Variants in HPSE2 observed in about 807,000 individuals in gnomAD.
HPSE2 encodes the protein heparanase 2 (inactive).
In HPSE2, 38 loss-of-function variants were observed where a neutral mutation model predicts 60.5. The ratio of observed to expected loss-of-function variants is 0.63; its 90% CI spans 0.48 to 0.82. The LOEUF is 0.82. Ranked by LOEUF, HPSE2 falls within the 40% of genes least tolerant of loss-of-function variation. HPSE2 has a pLI of 0.00. For missense variants in HPSE2, 713 were observed against 740.4 expected (o/e 0.96, Z 0.43); for synonymous variants, 295 against 293.2 (o/e 1.01, Z -0.06).
chr10:98,776,945 A>C (rs566086863), intron 3 of HPSE2, among the ~76,000 whole-genome samples: 2 of 152,350 alleles, frequency 1.3e-5, no homozygotes, highest in African/African-American at 4.8e-5. Flanking sequence ...CAAACAATTC[A>C]GCCAATCTTA....
At chr10:98,633,635 CTTCTG>C (rs1328719623) in intron 7 of HPSE2, among the ~76,000 whole-genome samples, 26 of 152,126 alleles carry the variant, frequency 1.7e-4, no homozygotes, top group African/African-American at 5.3e-4. Flanking sequence ...ATCAGTGAGT[CTTCTG>C]TTATGTTATC....
At chr10:98,994,919 C>A (rs2135353283) in intron 3 of HPSE2, among the ~76,000 whole-genome samples, 1 of 152,308 alleles carries the variant, frequency 6.6e-6, no homozygotes, top group East Asian at 1.9e-4. Context: ...TGCAGCCCAG[C>A]ATTAAACTCT....
intron 5 of HPSE2, among the ~76,000 whole-genome samples, chr10:98,704,731 C>T (rs10883170): frequency 0.71 from 108,552 of 152,054 alleles, 40,769 homozygotes; most frequent in South Asian, 0.95. Flanking sequence ...AACTTGACCT[C>T]TTCCTTACAC....
At chr10:98,674,050 G>A (rs960343408) in intron 6 of HPSE2, among the ~76,000 whole-genome samples, 4 of 152,152 alleles carry the variant, frequency 2.6e-5, no homozygotes, top group African/African-American at 4.8e-5. Flanking sequence ...CAGGTCATGC[G>A]GATGCTGTTG....
intron 3 of HPSE2, among the ~76,000 whole-genome samples, chr10:98,804,954 A>G (rs1024865749): frequency 1.3e-5 from 2 of 152,236 alleles, no homozygotes; most frequent in African/African-American, 4.8e-5. Flanking sequence ...TCAGCCAGAA[A>G]AAGAATCAGA....
chr10:99,145,853 C>G (rs923328970), intron 2 of HPSE2, among the ~76,000 whole-genome samples: 103 of 152,086 alleles, frequency 6.8e-4, no homozygotes, highest in African/African-American at 2.4e-3. Flanking sequence ...AAAGAAAAGC[C>G]CAGGTATAAA....
chr10:99,227,910 TATATAC>T (rs886568693), intron 2 of HPSE2, among the ~76,000 whole-genome samples: 5 of 149,632 alleles, frequency 3.3e-5, no homozygotes, highest in Admixed American at 1.3e-4. Flanking sequence ...CATATATATA[TATATAC>T]ATAAAATTAA....
the HPSE2 span, among the ~76,000 whole-genome samples, chr10:99,305,716 A>C: frequency 1.3e-5 from 2 of 152,072 alleles, no homozygotes; most frequent in African/African-American, 4.8e-5. Flanking sequence ...AGGACTTTAA[A>C]ATACCTATGA....
At chr10:98,702,841 A>G (rs773803873) in intron 5 of HPSE2, among the ~76,000 whole-genome samples, 6 of 152,328 alleles carry the variant, frequency 3.9e-5, no homozygotes, top group South Asian at 2.1e-4. Context: ...AAAGATGTCA[A>G]ATCAACACCC....
intron 9 of HPSE2, among the ~76,000 whole-genome samples, chr10:98,584,818 T>A (rs2133929444): frequency 6.6e-6 from 1 of 152,288 alleles, no homozygotes; most frequent in South Asian, 2.1e-4. Context: ...CTGGGAAAGC[T>A]AAGATTTGAC....
At chr10:99,153,888 A>C (rs1206461509) in intron 2 of HPSE2, among the ~76,000 whole-genome samples, 2 of 151,330 alleles carry the variant, frequency 1.3e-5, no homozygotes, top group African/African-American at 4.8e-5. Flanking sequence ...TAGAATAACC[A>C]ATACAGAGAA....
intron 6 of HPSE2, among the ~76,000 whole-genome samples, chr10:98,690,028 C>T (rs1948033210): frequency 6.6e-6 from 1 of 152,136 alleles, no homozygotes; most frequent in Non-Finnish European, 1.5e-5. Context: ...TCACTAGGCT[C>T]CTTGGAATGT....
chr10:98,773,648 T>C (rs1950284970), intron 3 of HPSE2, among the ~76,000 whole-genome samples: 1 of 152,220 alleles, frequency 6.6e-6, no homozygotes, highest in African/African-American at 2.4e-5. Context: ...CAGAATGGGA[T>C]GCACAAGTGC....
At chr10:98,818,079 C>T (rs1009471188) in intron 3 of HPSE2, among the ~76,000 whole-genome samples, 1 of 152,122 alleles carries the variant, frequency 6.6e-6, no homozygotes, top group African/African-American at 2.4e-5. Flanking sequence ...CTGTGAATAC[C>T]GTATTTTCAA....
intron 3 of HPSE2, among the ~76,000 whole-genome samples, chr10:99,034,168 T>C (rs1957559269): frequency 6.6e-6 from 1 of 152,182 alleles, no homozygotes. Flanking sequence ...CAAACTATGA[T>C]TTATGCAACA....
rs1464505014 is a variant in HPSE2 at position 99,156,096 on chromosome 10, T to A, written c.449-11697A>T. Among the ~76,000 whole-genome samples the A allele has an allele frequency of 3.2e-3, 468 of 146,592 alleles. 2 individuals are homozygous for A. The highest frequency in any genetic ancestry group is 0.011 in the African/African-American group (448 of 39,978). On this transcript the variant is annotated intron_variant, in intron 2 of 11. Transcript: ENST00000370552. ...AGACCAATAACAGGATCTGAAATTG[T>A]GGCAATAATCAATAGTTTACCAACC...
At position 98,756,432 on chromosome 10, in the gene HPSE2, TAAAG is replaced by T. The variant is rs372680835; in HGVS notation, c.611-12380_611-12377del. Among the ~76,000 whole-genome samples, 1,161 of 151,850 alleles carry T rather than the reference TAAAG, an allele frequency of 7.6e-3. 8 individuals carry two copies. Among genetic ancestry groups the T allele is most frequent in the South Asian group, 0.027 (131 of 4,824 alleles). On this transcript the variant is annotated intron_variant, in intron 3 of 11. Transcript: ENST00000370552. ...ATTGATAGACCACTAGCTAGACTAA[TAAAG>T]AAAGAAGAAAGAAGATCCAAATAAA...
At chr10:99,181,409 A>AAAAAAAAAAAAAAC (rs1847771830) in intron 2 of HPSE2, among the ~76,000 whole-genome samples, 1 of 44,694 alleles carries the variant, frequency 2.2e-5, no homozygotes, top group African/African-American at 3.6e-5. Context: ...AAAAAAAAAA[A>AAAAAAAAAAAAAAC]AAAAAAAAAA....
intron 2 of HPSE2, among the ~76,000 whole-genome samples, chr10:99,180,004 A>G (rs1023415737): frequency 6.6e-6 from 1 of 152,232 alleles, no homozygotes; most frequent in African/African-American, 2.4e-5. Flanking sequence ...AAAACAAGAA[A>G]TGGGGAAAGG....
Sources: gnomAD v4.1 joint callset for allele counts (sites outside exome capture counted in the v4.1 genomes callset) on GRCh38, gnomAD v4.1.1 for gene constraint, MANE v1.5 for transcripts, NCBI Gene and HGNC (gene_info 2026-07-23, HGNC 2026-07-21) for gene names.